The following RPS6KC1 variants were observed in gnomAD, a reference collection of about 807,000 sequenced individuals.
The protein encoded by RPS6KC1 is inactive ribosomal protein S6 kinase delta-1.
RPS6KC1 carries 54 observed loss-of-function variants against 103.8 expected under a neutral mutation model. The ratio of observed to expected loss-of-function variants is 0.52; its 90% CI spans 0.42 to 0.65. RPS6KC1 has a LOEUF of 0.65. Among genes scored for constraint, RPS6KC1 ranks in the 30% least tolerant of loss-of-function variants. RPS6KC1 has a pLI of 0.00. For synonymous variants in RPS6KC1, 439 were observed against 438.7 expected (o/e 1.00, Z -0.01); for missense variants, 1,151 against 1,253.8 (o/e 0.92, Z 1.24).
At chr1:213,325,278 GCTTT>G in the RPS6KC1 span, among the ~76,000 whole-genome samples, 3 of 152,132 alleles carry the variant, frequency 2.0e-5, no homozygotes, top group Non-Finnish European at 4.4e-5. Context: ...TTCCTCTTTC[GCTTT>G]CTAAGTGTCT....
chr1:213,632,977 G>A, the RPS6KC1 span, among the ~76,000 whole-genome samples: 1 of 152,168 alleles, frequency 6.6e-6, no homozygotes, highest in South Asian at 2.1e-4. Flanking sequence ...ATTAAATAAA[G>A]TGAGGAGAGA....
the RPS6KC1 span, among the ~76,000 whole-genome samples, chr1:213,453,941 C>T: frequency 2.0e-5 from 3 of 152,008 alleles, no homozygotes; most frequent in Non-Finnish European, 2.9e-5. Flanking sequence ...GAAAAACTTG[C>T]GGACAAACCA....
the RPS6KC1 span, among the ~76,000 whole-genome samples, chr1:213,793,385 G>A: frequency 1.1e-4 from 16 of 152,220 alleles, no homozygotes; most frequent in South Asian, 2.1e-4. Context: ...CGCGACTGCC[G>A]TGCTCCCACA....
At chr1:213,792,181 A>G in the RPS6KC1 span, among the ~76,000 whole-genome samples, 4 of 152,186 alleles carry the variant, frequency 2.6e-5, no homozygotes, top group Non-Finnish European at 5.9e-5. Flanking sequence ...ACAGAGCCGT[A>G]TGAAGAAGGC....
chr1:213,763,351 G>C, the RPS6KC1 span, among the ~76,000 whole-genome samples: 1 of 152,152 alleles, frequency 6.6e-6, no homozygotes, highest in Non-Finnish European at 1.5e-5. Flanking sequence ...GATGAGGAAG[G>C]AACTGACTTT....
chr1:213,406,535 G>A, the RPS6KC1 span, among the ~76,000 whole-genome samples: 2 of 152,176 alleles, frequency 1.3e-5, no homozygotes, highest in African/African-American at 4.8e-5. Context: ...AGGTGGAGCT[G>A]CTCGTGTGTA....
the RPS6KC1 span, among the ~76,000 whole-genome samples, chr1:213,729,157 A>G: frequency 6.6e-6 from 1 of 152,162 alleles, no homozygotes; most frequent in Non-Finnish European, 1.5e-5. Context: ...TGGAACCTGC[A>G]GTGTTTTCTC....
intron 8 of RPS6KC1, among the ~76,000 whole-genome samples, chr1:213,197,485 G>A (rs1325841347): frequency 1.3e-5 from 2 of 152,074 alleles, no homozygotes; most frequent in African/African-American, 4.8e-5. Flanking sequence ...AGTTTTCCTT[G>A]TAGAGATCTT....
At chr1:213,302,300 T>C in the RPS6KC1 span, among the ~76,000 whole-genome samples, 1 of 152,170 alleles carries the variant, frequency 6.6e-6, no homozygotes, top group Non-Finnish European at 1.5e-5. Flanking sequence ...TAATGGCCTT[T>C]TGTAGGTTTC....
At chr1:213,560,750 C>A in the RPS6KC1 span, among the ~76,000 whole-genome samples, 4 of 152,142 alleles carry the variant, frequency 2.6e-5, no homozygotes, top group Non-Finnish European at 5.9e-5. Context: ...AACTCCCCCC[C>A]ACCAAATCTC....
At chr1:213,130,978 C>G (rs1210107572) in intron 6 of RPS6KC1, among the ~76,000 whole-genome samples, 2 of 151,718 alleles carry the variant, frequency 1.3e-5, no homozygotes, top group Non-Finnish European at 2.9e-5. Context: ...GTTGCTGTTA[C>G]CTTCTCAGTT....
the RPS6KC1 span, among the ~76,000 whole-genome samples, chr1:213,424,240 G>A: frequency 1.3e-5 from 2 of 152,112 alleles, no homozygotes; most frequent in African/African-American, 4.8e-5. Context: ...ACTCAACTTC[G>A]GCTTTCTACG....
At chr1:213,187,385 C>A (rs1215019406) in intron 8 of RPS6KC1, among the ~76,000 whole-genome samples, 2 of 151,614 alleles carry the variant, frequency 1.3e-5, no homozygotes, top group African/African-American at 4.8e-5. Context: ...GCTGAGACTA[C>A]AGACATGCGC....
intron 8 of RPS6KC1, among the ~76,000 whole-genome samples, chr1:213,197,934 G>C (rs1207917131): frequency 6.6e-6 from 1 of 152,070 alleles, no homozygotes; most frequent in Non-Finnish European, 1.5e-5. Context: ...GGAGCATTTA[G>C]GCCATTTACA....
At chr1:213,138,467 G>A (rs1026552489) in intron 6 of RPS6KC1, among the ~76,000 whole-genome samples, 33 of 152,206 alleles carry the variant, frequency 2.2e-4, no homozygotes, top group African/African-American at 7.9e-4. Flanking sequence ...CAGGTAATCG[G>A]TGTAATATTT....
the RPS6KC1 span, among the ~76,000 whole-genome samples, chr1:213,717,308 C>T: frequency 1.3e-5 from 2 of 152,168 alleles, no homozygotes; most frequent in East Asian, 1.9e-4. Flanking sequence ...TATCATTGCT[C>T]AAGGGCTTCA....
chr1:213,256,236 G>A (rs1235626179), intron 12 of RPS6KC1, among the ~76,000 whole-genome samples: 1 of 152,164 alleles, frequency 6.6e-6, no homozygotes, highest in East Asian at 1.9e-4. Flanking sequence ...AAGAAAGAAA[G>A]TCAATGGGGA....
the RPS6KC1 span, among the ~76,000 whole-genome samples, chr1:213,405,995 C>T: frequency 2.0e-5 from 3 of 152,168 alleles, no homozygotes; most frequent in Non-Finnish European, 4.4e-5. Flanking sequence ...ATCCAGGGGG[C>T]CCGATGCTGG....
the RPS6KC1 span, among the ~76,000 whole-genome samples, chr1:213,650,968 G>A: frequency 6.8e-6 from 1 of 146,224 alleles, no homozygotes; most frequent in South Asian, 2.2e-4. Flanking sequence ...GGGAGAGAGA[G>A]AGAAAACGTG....
Sources: gnomAD v4.1 joint callset for allele counts (sites outside exome capture counted in the v4.1 genomes callset) on GRCh38, gnomAD v4.1.1 for gene constraint, MANE v1.5 for transcripts, NCBI Gene and HGNC (gene_info 2026-07-23, HGNC 2026-07-21) for gene names.